RNLS: variants seen among roughly 807,000 people sequenced by gnomAD.
RNLS encodes renalase, FAD dependent amine oxidase.
A neutral mutation model predicts 39.8 loss-of-function variants in RNLS; 39 were observed. The ratio of observed to expected loss-of-function variants is 0.98; its 90% confidence interval spans 0.76 to 1.28. The LOEUF (loss-of-function observed/expected upper bound fraction) is 1.28. Among genes scored for constraint, RNLS ranks in the 50% most tolerant of loss-of-function variants. The pLI is 0.00. For missense variants in RNLS, 410 were observed against 413.3 expected (o/e 0.99, Z 0.07); for synonymous variants, 147 against 150.7 (o/e 0.98, Z 0.18).
chr10:88,536,257 A>G (rs984207606), intron 4 of RNLS, among the ~76,000 whole-genome samples: 6 of 152,194 alleles, frequency 3.9e-5, no homozygotes, highest in African/African-American at 1.4e-4. Context: ...TTCTCACACC[A>G]AATATCCAGT....
At chr10:88,225,753 C>A in the RNLS span, among the ~76,000 whole-genome samples, 4,266 of 152,012 alleles carry the variant, frequency 0.028, 183 homozygotes, top group African/African-American at 0.086. Flanking sequence ...AAGTAGGGAC[C>A]AATATAGGGT....
intron 4 of RNLS, among the ~76,000 whole-genome samples, chr10:88,426,711 A>G (rs1167956952): frequency 6.6e-6 from 1 of 151,976 alleles, no homozygotes; most frequent in Non-Finnish European, 1.5e-5. Flanking sequence ...CCTTCCATAC[A>G]TACCTTCTTA....
At chr10:88,176,294 C>T in the RNLS span, among the ~76,000 whole-genome samples, 12 of 152,258 alleles carry the variant, frequency 7.9e-5, no homozygotes, top group African/African-American at 2.9e-4. Flanking sequence ...CCTGCCTCAG[C>T]CTCCCAAGTA....
chr10:88,318,528 A>T (rs1217614949), intron 5 of RNLS, among the ~76,000 whole-genome samples: 1 of 152,228 alleles, frequency 6.6e-6, no homozygotes, highest in Non-Finnish European at 1.5e-5. Context: ...ACACTCGCTG[A>T]AAGTGAGCCC....
the RNLS span, among the ~76,000 whole-genome samples, chr10:88,205,119 T>C: frequency 6.6e-6 from 1 of 152,056 alleles, no homozygotes; most frequent in Non-Finnish European, 1.5e-5. Context: ...GTTTCAGAGG[T>C]CAGAACACTT....
intron 4 of RNLS, among the ~76,000 whole-genome samples, chr10:88,520,883 C>T (rs1846684049): frequency 6.6e-6 from 1 of 152,014 alleles, no homozygotes; most frequent in African/African-American, 2.4e-5. Context: ...TTCTATGAAT[C>T]TGTTCTTTGC....
At chr10:88,568,650 C>T (rs753880063) in intron 4 of RNLS, among the ~76,000 whole-genome samples, 10 of 151,920 alleles carry the variant, frequency 6.6e-5, no homozygotes, top group Non-Finnish European at 1.0e-4. Flanking sequence ...GATGAGATGT[C>T]GCATGGGTTC....
chr10:88,186,680 T>C, the RNLS span, among the ~76,000 whole-genome samples: 2 of 152,152 alleles, frequency 1.3e-5, no homozygotes, highest in Non-Finnish European at 2.9e-5. Context: ...TGCTTCCCAC[T>C]TAGGATATAT....
intron 4 of RNLS, among the ~76,000 whole-genome samples, chr10:88,395,056 C>T (rs867875769): frequency 3.3e-5 from 5 of 151,024 alleles, no homozygotes; most frequent in South Asian, 4.2e-4. Flanking sequence ...GGTGGGGGGA[C>T]GGGAGAGGGA....
intron 4 of RNLS, among the ~76,000 whole-genome samples, chr10:88,539,736 T>C (rs1847949219): frequency 6.6e-6 from 1 of 152,140 alleles, no homozygotes; most frequent in African/African-American, 2.4e-5. Context: ...TTCAGGTTCA[T>C]GATTTTAGAG....
intron 4 of RNLS, among the ~76,000 whole-genome samples, chr10:88,478,651 A>G (rs1351309969): frequency 1.3e-5 from 2 of 152,006 alleles, no homozygotes; most frequent in East Asian, 1.9e-4. Flanking sequence ...TCCATCCTCA[A>G]CTGCCCTTTC....
chr10:88,359,828 C>T (rs2030529019), intron 5 of RNLS, among the ~76,000 whole-genome samples: 2 of 152,088 alleles, frequency 1.3e-5, no homozygotes, highest in Non-Finnish European at 2.9e-5. Flanking sequence ...CCCACCATCC[C>T]ACTCCATTTT....
chr10:88,317,111 C>T (rs967569741), intron 5 of RNLS, among the ~76,000 whole-genome samples: 3 of 152,138 alleles, frequency 2.0e-5, no homozygotes, highest in Admixed American at 6.5e-5. Context: ...AAGAATATCA[C>T]CTAGCTTTTG....
chr10:88,334,959 A>C (rs1002982494), intron 5 of RNLS, among the ~76,000 whole-genome samples: 6 of 152,234 alleles, frequency 3.9e-5, no homozygotes, highest in Admixed American at 3.9e-4. Flanking sequence ...GTTAATTAAC[A>C]AATTAATTAA....
At chr10:88,534,784 A>G (rs1307202232) in intron 4 of RNLS, among the ~76,000 whole-genome samples, 1 of 152,176 alleles carries the variant, frequency 6.6e-6, no homozygotes, top group East Asian at 1.9e-4. Context: ...AGGAAACATC[A>G]TCTGGAGGAG....
the RNLS span, among the ~76,000 whole-genome samples, chr10:88,203,493 T>TATATATATATATATATATATATA: frequency 7.2e-6 from 1 of 138,212 alleles, no homozygotes; most frequent in African/African-American, 2.7e-5. Flanking sequence ...TATATATATA[T>TATATATATATATATATATATATA]TTCAAGAGAG....
the RNLS span, among the ~76,000 whole-genome samples, chr10:88,258,508 CT>C: frequency 5.3e-5 from 8 of 152,300 alleles, no homozygotes; most frequent in Admixed American, 1.3e-4. Context: ...TACCTTCCCC[CT>C]AGGACTGTTG....
chr10:88,317,292 A>G (rs1845833505), intron 5 of RNLS, among the ~76,000 whole-genome samples: 1 of 152,184 alleles, frequency 6.6e-6, no homozygotes, highest in African/African-American at 2.4e-5. Context: ...ATTAAAAGGG[A>G]GCAACACTAC....
the RNLS span, among the ~76,000 whole-genome samples, chr10:88,264,008 A>G: frequency 6.6e-6 from 1 of 152,106 alleles, no homozygotes; most frequent in Admixed American, 6.6e-5. Context: ...AGTCCATTGT[A>G]TCATTCTTAT....
Sources: allele counts gnomAD v4.1 joint callset (sites outside exome capture counted in the v4.1 genomes callset), GRCh38; gene constraint gnomAD v4.1.1; transcripts MANE v1.5; gene names NCBI Gene and HGNC (gene_info 2026-07-23, HGNC 2026-07-21).